The following ANKRD28 variants were observed in gnomAD, a reference collection of about 807,000 sequenced individuals.
ANKRD28 encodes the protein ankyrin repeat domain 28.
A neutral mutation model predicts 126.5 loss-of-function variants in ANKRD28; 44 were observed. The ratio of observed to expected loss-of-function variants is 0.35; its 90% CI spans 0.27 to 0.45. ANKRD28 has a LOEUF of 0.45. Among genes scored for constraint, ANKRD28 ranks in the 20% least tolerant of loss-of-function variants. The pLI is 1.00. For missense variants in ANKRD28, 1,110 were observed against 1,316.6 expected, an observed-to-expected ratio of 0.84 and a Z score of 2.43; for synonymous variants, 442 against 468.5, an observed-to-expected ratio of 0.94 and a Z score of 0.73.
intron 6 of ANKRD28, among the ~76,000 whole-genome samples, chr3:15,725,835 G>A (rs1184523436): frequency 2.0e-5 from 3 of 152,120 alleles, no homozygotes; most frequent in Non-Finnish European, 4.4e-5. Flanking sequence ...CCTGAGGTCA[G>A]AAGTCGAGAC....
intron 6 of ANKRD28, chr3:15,732,969 A>T (rs1291847540): frequency 6.6e-6 from 1 of 152,328 alleles, no homozygotes; most frequent in Non-Finnish European, 1.5e-5. Flanking sequence ...GTTTGAGACC[A>T]GCCTGGACAA....
At chr3:15,751,927 GAAAAA>G in intron 3 of ANKRD28, 107 bp from the exon 4 acceptor site, 1 of 692,724 alleles carries the variant, frequency 1.4e-6, no homozygotes, top group Non-Finnish European at 2.2e-6. Context: ...AATGACAATT[GAAAAA>G]AAACTTATTT....
chr3:15,776,702 T>C (rs1355254813), intron 2 of ANKRD28, among the ~76,000 whole-genome samples: 2 of 152,226 alleles, frequency 1.3e-5, no homozygotes, highest in Admixed American at 6.5e-5. Flanking sequence ...ATCTGGGTCG[T>C]GGTGACATTC....
At chr3:15,726,076 T>C (rs1001250819) in intron 6 of ANKRD28, among the ~76,000 whole-genome samples, 2 of 152,130 alleles carry the variant, frequency 1.3e-5, no homozygotes, top group Non-Finnish European at 2.9e-5. Context: ...ATGTTGTATA[T>C]TCCAACTACT....
intron 8 of ANKRD28, 94 bp from the exon 9 acceptor site, chr3:15,714,750 A>T (rs1435839503): frequency 1.2e-6 from 1 of 815,252 alleles, no homozygotes; most frequent in Non-Finnish European, 1.8e-6. Context: ...CTTTATTTTT[A>T]TAACTATTTT....
At chr3:15,769,993 C>T (rs574504587) in intron 2 of ANKRD28, among the ~76,000 whole-genome samples, 1 of 151,534 alleles carries the variant, frequency 6.6e-6, no homozygotes, top group African/African-American at 2.4e-5. Context: ...CACTGAACAC[C>T]TGTCAGTGGA....
intron 21 of ANKRD28, among the ~76,000 whole-genome samples, chr3:15,683,407 A>G (rs1221516854): frequency 6.6e-6 from 1 of 152,214 alleles, no homozygotes; most frequent in Non-Finnish European, 1.5e-5. Context: ...TATGAGTACT[A>G]GTCTCTGGCC....
chr3:15,728,087 C>T (rs990737361), intron 6 of ANKRD28, among the ~76,000 whole-genome samples: 4 of 152,166 alleles, frequency 2.6e-5, no homozygotes, highest in Middle Eastern at 3.2e-3. Context: ...AGCAACCATT[C>T]ACATTGAGGC....
chr3:15,682,475 T>A (rs1483177050), intron 21 of ANKRD28, among the ~76,000 whole-genome samples: 1 of 152,170 alleles, frequency 6.6e-6, no homozygotes, highest in Non-Finnish European at 1.5e-5. Flanking sequence ...GATGGTAAAC[T>A]GGGTCCTCCT....
chr3:15,734,184 G>A (rs1000790374), intron 6 of ANKRD28, among the ~76,000 whole-genome samples: 2 of 152,314 alleles, frequency 1.3e-5, no homozygotes, highest in South Asian at 4.1e-4. Flanking sequence ...CATATGCAAG[G>A]ATTTGGGTAT....
At chr3:15,678,030 T>C (rs1388305934) in intron 24 of ANKRD28, among the ~76,000 whole-genome samples, 179 bp downstream of exon 24, 1 of 152,146 alleles carries the variant, frequency 6.6e-6, no homozygotes, top group Admixed American at 6.6e-5. Context: ...GACTCCTCAA[T>C]AGTCAGGGCA....
At chr3:15,725,341 T>G (rs2074074095) in intron 6 of ANKRD28, among the ~76,000 whole-genome samples, 1 of 152,202 alleles carries the variant, frequency 6.6e-6, no homozygotes, top group Admixed American at 6.5e-5. Flanking sequence ...TATAATTCCT[T>G]TGATTATGTT....
intron 3 of ANKRD28, among the ~76,000 whole-genome samples, chr3:15,761,401 C>G (rs1353762918): frequency 6.6e-6 from 1 of 152,218 alleles, no homozygotes; most frequent in African/African-American, 2.4e-5. Flanking sequence ...TTGATCAGAT[C>G]AAATATCTAG....
intron 3 of ANKRD28, among the ~76,000 whole-genome samples, chr3:15,757,354 C>G (rs2058217515): frequency 1.3e-5 from 2 of 152,198 alleles, no homozygotes; most frequent in South Asian, 4.1e-4. Context: ...TCAACTATAC[C>G]TGTAAAATAA....
chr3:15,765,122 A>G (rs2058678737), intron 3 of ANKRD28, among the ~76,000 whole-genome samples: 1 of 152,176 alleles, frequency 6.6e-6, no homozygotes, highest in South Asian at 2.1e-4. Flanking sequence ...AGCTCAAATC[A>G]ATGACATATA....
chr3:15,731,681 C>G (rs1204913116), intron 6 of ANKRD28, among the ~76,000 whole-genome samples: 2 of 151,824 alleles, frequency 1.3e-5, no homozygotes, highest in African/African-American at 2.4e-5. Flanking sequence ...GAAACCTCAT[C>G]TCTACTAAAT....
chr3:15,813,404 G>A (rs1261229892), intron 1 of ANKRD28, among the ~76,000 whole-genome samples: 1 of 152,048 alleles, frequency 6.6e-6, no homozygotes, highest in Non-Finnish European at 1.5e-5. Flanking sequence ...AAACTTTAAT[G>A]AAACCAAAAA....
upstream of ANKRD28, among the ~76,000 whole-genome samples, chr3:15,801,924 T>C (rs1448926303): frequency 6.6e-6 from 1 of 152,224 alleles, no homozygotes; most frequent in Non-Finnish European, 1.5e-5. This position sits in a 1 kb window ranked among gnomAD's most constrained non-coding sequence, Gnocchi z 4.9. Context: ...GTGATCCCAC[T>C]GGTACGTTAC....
intron 13 of ANKRD28, among the ~76,000 whole-genome samples, chr3:15,709,043 G>A (rs949658934): frequency 4.6e-5 from 7 of 152,092 alleles, no homozygotes; most frequent in Non-Finnish European, 8.8e-5. Context: ...CCTACTCTAA[G>A]TAACTTAACA....
Sources: allele counts gnomAD v4.1 joint callset (sites outside exome capture counted in the v4.1 genomes callset), GRCh38; gene constraint gnomAD v4.1.1; non-coding constraint Gnocchi (gnomAD v3.1); transcripts MANE v1.5; gene names NCBI Gene and HGNC (gene_info 2026-07-23, HGNC 2026-07-21).